Variants in SAMHD1 observed in about 807,000 individuals in gnomAD.
SAMHD1 encodes the protein deoxynucleoside triphosphate triphosphohydrolase SAMHD1.
SAMHD1 carries 54 observed loss-of-function variants against 79.6 expected under a neutral mutation model. That is an observed-to-expected ratio of 0.68 (90% CI 0.55 to 0.85). The LOEUF is 0.85. SAMHD1 is among the 40% of genes least tolerant of loss of function. The probability of loss-of-function intolerance (pLI) is 0.00; values close to 1 mark genes in which losing one functional copy is unlikely to be tolerated. For missense variants in SAMHD1, 663 were observed against 782.7 expected (o/e 0.85, Z 1.82); for synonymous variants, 260 against 264.1 (o/e 0.98, Z 0.15).
intron 1 of SAMHD1, among the ~76,000 whole-genome samples, chr20:36,949,735 G>C (rs1484468339): frequency 7.8e-6 from 1 of 128,130 alleles, no homozygotes; most frequent in Non-Finnish European, 1.6e-5. Context: ...CCAGCCTGGC[G>C]ACAGAGCGAG....
At chr20:36,912,903 T>TG (rs1555833579) in intron 9 of SAMHD1, among the ~76,000 whole-genome samples, 2 of 139,068 alleles carry the variant, frequency 1.4e-5, no homozygotes, top group South Asian at 2.4e-4. Context: ...TTTTTTTTTT[T>TG]TTTTTTTTTT....
intron 15 of SAMHD1, among the ~76,000 whole-genome samples, chr20:36,896,642 C>CT (rs1261783803): frequency 6.6e-6 from 1 of 151,916 alleles, no homozygotes; most frequent in Non-Finnish European, 1.5e-5. Flanking sequence ...AGAGACCATC[C>CT]TGGCCAACAT....
At chr20:36,918,801 CAAAAAAAAAA>C (rs60403097) in intron 7 of SAMHD1, among the ~76,000 whole-genome samples, 10 of 65,428 alleles carry the variant, frequency 1.5e-4, no homozygotes, top group African/African-American at 2.5e-4. Flanking sequence ...GACTCTATCT[CAAAAAAAAAA>C]AAAAAAAAAA....
chr20:36,910,797 T>C (rs2063434468), intron 11 of SAMHD1, among the ~76,000 whole-genome samples: 1 of 152,070 alleles, frequency 6.6e-6, no homozygotes, highest in Non-Finnish European at 1.5e-5. Flanking sequence ...CTAGGTGCTA[T>C]GCCTCATTTA....
chr20:36,930,143 C>T (rs2146131271), intron 5 of SAMHD1, among the ~76,000 whole-genome samples: 2 of 149,582 alleles, frequency 1.3e-5, no homozygotes, highest in South Asian at 4.2e-4. Context: ...ATTCACATAT[C>T]ATCCTAAAAG....
intron 13 of SAMHD1, among the ~76,000 whole-genome samples, chr20:36,903,141 G>A (rs948265284): frequency 1.3e-5 from 2 of 152,192 alleles, no homozygotes; most frequent in Non-Finnish European, 2.9e-5. Context: ...CATGGATGAG[G>A]AAGAAAGGGG....
At chr20:36,906,677 CTTTCA>C (rs1438778283) in intron 11 of SAMHD1, among the ~76,000 whole-genome samples, 1 of 151,844 alleles carries the variant, frequency 6.6e-6, no homozygotes, top group Non-Finnish European at 1.5e-5. Context: ...TTTTTCCTTT[CTTTCA>C]TTTTCTCCCA....
intron 2 of SAMHD1, among the ~76,000 whole-genome samples, chr20:36,944,737 A>G (rs1789318056): frequency 6.6e-6 from 1 of 152,104 alleles, no homozygotes; most frequent in South Asian, 2.1e-4. Flanking sequence ...TCTACTAAAA[A>G]TACAAAATTA....
At chr20:36,937,865 T>C (rs949947767) in intron 3 of SAMHD1, among the ~76,000 whole-genome samples, 1 of 151,440 alleles carries the variant, frequency 6.6e-6, no homozygotes, top group African/African-American at 2.4e-5. Context: ...GGTTTGTTTT[T>C]TTTTTTTTTT....
At chr20:36,921,392 C>CAAAAAA (rs34384942) in intron 6 of SAMHD1, among the ~76,000 whole-genome samples, 2 of 55,090 alleles carry the variant, frequency 3.6e-5, no homozygotes, top group Non-Finnish European at 6.3e-5. Flanking sequence ...GACTCTGTCT[C>CAAAAAA]AAAAAAAAAA....
intron 4 of SAMHD1, among the ~76,000 whole-genome samples, chr20:36,933,400 GAGC>G (rs2063579759): frequency 6.6e-6 from 1 of 152,152 alleles, no homozygotes; most frequent in Non-Finnish European, 1.5e-5. Flanking sequence ...TGGTTTGAAA[GAGC>G]AACTCTGTAC....
Position 36,919,436 on chromosome 20 carries a change from GA to G in SAMHD1, c.779del (p.Ile260ThrfsTer9), listed in dbSNP as rs1341219224. 6.2e-7 allele frequency: 1 copy of G among 1,612,584 alleles called. No homozygotes were observed. Among genetic ancestry groups the G allele is most frequent in the African/African-American group, 1.3e-5 (1 of 74,860 alleles). ...IKPVMEQYGL[I>X]PEEDICFIKE... ...TTATAAAGCAAATATCTTCTTCAGGGATGAGACCATATTGTTCCATGACAGG... is the reference window on the plus strand; with the variant it reads ...TTATAAAGCAAATATCTTCTTCAGGGTGAGACCATATTGTTCCATGACAGG... On this transcript the variant is annotated frameshift_variant, in exon 7 of 16. Transcript: ENST00000646673. LOFTEE classifies it high-confidence loss of function.
At chr20:36,932,389 C>G (rs2063573188) in intron 4 of SAMHD1, among the ~76,000 whole-genome samples, 1 of 119,658 alleles carries the variant, frequency 8.4e-6, no homozygotes, top group Middle Eastern at 4.6e-3. Flanking sequence ...ATGGTAGTTA[C>G]TAGGGGGTTG....
intron 7 of SAMHD1, among the ~76,000 whole-genome samples, chr20:36,918,102 G>C (rs964887905): frequency 1.3e-5 from 2 of 151,560 alleles, no homozygotes; most frequent in African/African-American, 2.4e-5. Context: ...ACTGCAGCCT[G>C]CCTCAGCCTC....
chr20:36,916,232 A>G (rs1293569150), intron 9 of SAMHD1, among the ~76,000 whole-genome samples: 1 of 152,096 alleles, frequency 6.6e-6, no homozygotes, highest in Non-Finnish European at 1.5e-5. Flanking sequence ...CTTGTTAATT[A>G]TATGCCTTCT....
intron 11 of SAMHD1, among the ~76,000 whole-genome samples, chr20:36,908,938 T>TTTTATTTTTATTTATTTA (rs1568765000): frequency 6.6e-6 from 1 of 151,990 alleles, no homozygotes; most frequent in African/African-American, 2.4e-5. Flanking sequence ...TGCTTTCCAA[T>TTTTATTTTTATTTATTTA]TTTATTTTTA....
At chr20:36,902,680 G>A (rs1990326712) in intron 13 of SAMHD1, among the ~76,000 whole-genome samples, 1 of 152,114 alleles carries the variant, frequency 6.6e-6, no homozygotes, top group South Asian at 2.1e-4. Flanking sequence ...TGCAAAGAAG[G>A]AAAAGAGAGT....
Position 36,890,432 on chromosome 20 carries a change from T to TTTCC in SAMHD1, c.*2496_*2499dup, listed in dbSNP as rs1432973889. On this transcript the variant is annotated 3_prime_UTR_variant, in exon 16 of 16. Transcript: ENST00000646673. The stretch of plus-strand genomic sequence containing the variant: ...TTTCTTTCTTTCTTTTCTTTCTCTC[T>TTTCC]TTCCTTCCTTCCTTCCCTCCTTCCT... 2.0e-5 allele frequency: 3 copies of TTTCC among 151,428 alleles called. No individual in the cohort carries two copies. The highest frequency in any genetic ancestry group is 2.1e-4 in the South Asian group (1 of 4,764). 9.4% of individuals were successfully genotyped at this position (151,428 alleles called of 1,614,324 possible).
intron 3 of SAMHD1, 39 bp downstream of exon 3, chr20:36,941,000 T>A: frequency 6.8e-7 from 1 of 1,468,512 alleles, no homozygotes; most frequent in Non-Finnish European, 9.5e-7. Context: ...GTTATATCAC[T>A]TTATATTCAA....
Sources: allele counts gnomAD v4.1 joint callset (sites outside exome capture counted in the v4.1 genomes callset), GRCh38; gene constraint gnomAD v4.1.1; transcripts MANE v1.5; gene names NCBI Gene and HGNC (gene_info 2026-07-23, HGNC 2026-07-21).